Variants in FBXO42 observed in about 807,000 individuals in gnomAD.
FBXO42 encodes the protein F-box protein 42.
FBXO42 carries 12 observed loss-of-function variants against 71.7 expected under a neutral mutation model. That is an observed-to-expected ratio of 0.17 (90% CI 0.11 to 0.27). The LOEUF is 0.27. Ranked by LOEUF, FBXO42 falls within the 10% of genes least tolerant of loss-of-function variation. The pLI is 1.00. For synonymous variants in FBXO42, 325 were observed against 327.5 expected, an observed-to-expected ratio of 0.99 and a Z score of 0.08; for missense variants, 707 against 911.9, an observed-to-expected ratio of 0.78 and a Z score of 2.89.
chr1:16,350,758 AAAGAAAGAAAG>A (rs1172468199), intron 1 of FBXO42, among the ~76,000 whole-genome samples: 8 of 30,302 alleles, frequency 2.6e-4, no homozygotes, highest in Non-Finnish European at 6.7e-4. Context: ...AAAAAAAAAA[AAAGAAAGAAAG>A]AAAGAAAGAA....
intron 1 of FBXO42, among the ~76,000 whole-genome samples, chr1:16,323,524 C>T (rs577900156): frequency 1.3e-4 from 19 of 151,648 alleles, no homozygotes; most frequent in Non-Finnish European, 2.2e-4. Context: ...GGGCCGGGCG[C>T]AGTGGCTCAC....
Position 16,262,871 on chromosome 1 carries a change from G to A in FBXO42, c.503-6112C>T, listed in dbSNP as rs138951764. On this transcript the variant is annotated intron_variant, in intron 4 of 9. Transcript: ENST00000375592. ...ACTACAGGCACGTGCCACCACGGCA[G>A]GCTAGTTTTTTGTAATTTTAGTAGA... 3.9e-5 allele frequency among the ~76,000 whole-genome samples: 6 copies of A among 152,052 alleles called. No homozygotes were observed. The East Asian group carries it at 1.2e-3, about 30-fold the overall frequency.
chr1:16,257,027 G>A (rs1343063340), intron 4 of FBXO42, among the ~76,000 whole-genome samples: 3 of 152,158 alleles, frequency 2.0e-5, no homozygotes, highest in Non-Finnish European at 4.4e-5. Context: ...CCTAAAATTA[G>A]GGATGAGAGT....
At chr1:16,265,564 G>T (rs1443029199) in intron 4 of FBXO42, among the ~76,000 whole-genome samples, 1 of 151,394 alleles carries the variant, frequency 6.6e-6, no homozygotes, top group East Asian at 1.9e-4. Context: ...GGTATTACTA[G>T]CCTCATTTTA....
intron 4 of FBXO42, among the ~76,000 whole-genome samples, chr1:16,275,989 G>T (rs918699428): frequency 6.6e-6 from 1 of 152,022 alleles, no homozygotes; most frequent in Non-Finnish European, 1.5e-5. Context: ...AAAGGGCAAA[G>T]GAGCCTCCTA....
intron 4 of FBXO42, among the ~76,000 whole-genome samples, chr1:16,267,593 TTG>T (rs1482366995): frequency 6.6e-6 from 1 of 152,176 alleles, no homozygotes; most frequent in Non-Finnish European, 1.5e-5. Flanking sequence ...CAGCCCACCT[TTG>T]GGTGGGGTTA....
At chr1:16,348,569 C>T (rs1412810053) in intron 1 of FBXO42, among the ~76,000 whole-genome samples, 3 of 151,738 alleles carry the variant, frequency 2.0e-5, no homozygotes, top group Admixed American at 6.6e-5. Context: ...GGGCGTGGGG[C>T]GGGTGCCTGT....
chr1:16,331,406 C>G (rs1304669682), intron 1 of FBXO42, among the ~76,000 whole-genome samples: 1 of 146,598 alleles, frequency 6.8e-6, no homozygotes, highest in Admixed American at 6.8e-5. Context: ...CAGAGCGAGA[C>G]TCTGTCTCAA....
At chr1:16,318,586 A>G (rs2082390143) in intron 1 of FBXO42, among the ~76,000 whole-genome samples, 1 of 152,202 alleles carries the variant, frequency 6.6e-6, no homozygotes, top group Non-Finnish European at 1.5e-5. Context: ...CTCCTATGAC[A>G]TTATACACAA....
rs189088776 is a variant in FBXO42 at position 16,338,880 on chromosome 1, G to A, written c.-18+13375C>T. Among the ~76,000 whole-genome samples the A allele has an allele frequency of 3.0e-3, 430 of 141,886 alleles. 1 individual carries two copies. The highest frequency in any genetic ancestry group is 0.011 in the African/African-American group (419 of 38,372). 93.1% of individuals were successfully genotyped at this position (141,886 alleles called of 152,430 possible). A position where few individuals can be genotyped will look rare whatever the true frequency, so the allele number is the denominator to read the frequency against. On this transcript the variant is annotated intron_variant, in intron 1 of 9. Coordinates refer to ENST00000375592, the MANE Select transcript of FBXO42 (RefSeq NM_018994.3). ...GGCTGGAGTGCAGTGGCACAATCGC[G>A]GCTCACTGCAACCTCCGCCTCCCAA... is the stretch of plus-strand genomic sequence containing the variant.
In FBXO42 at chr1:16,270,751, T is replaced by TACACACAC. The variant is rs58610558; in HGVS notation, c.503-14000_503-13993dup. 4.8e-3 allele frequency among the ~76,000 whole-genome samples: 532 copies of TACACACAC among 110,976 alleles called. 5 individuals carry two copies. The highest frequency in any genetic ancestry group is 9.5e-3 in the Admixed American group (101 of 10,582). 72.8% of individuals were successfully genotyped at this position (110,976 alleles called of 152,430 possible). A position where few individuals can be genotyped will look rare whatever the true frequency, so the allele number is the denominator to read the frequency against. ...TCCAAATCCCTTACTTACCATGAGA[T>TACACACAC]ACACACACACACACACACACACACA... On this transcript the variant is annotated intron_variant, in intron 4 of 9. Transcript: ENST00000375592.
chr1:16,284,291 C>T (rs1348407142), intron 4 of FBXO42, among the ~76,000 whole-genome samples: 1 of 152,158 alleles, frequency 6.6e-6, no homozygotes, highest in Admixed American at 6.6e-5. Context: ...AGTCATAAAG[C>T]GATCAATAGA....
chr1:16,324,165 T>TA (rs1303437455), intron 1 of FBXO42, among the ~76,000 whole-genome samples: 1 of 152,040 alleles, frequency 6.6e-6, no homozygotes, highest in African/African-American at 2.4e-5. Flanking sequence ...AAGGATAAAA[T>TA]AAAAAATTCT....
chr1:16,276,052 C>T (rs528642457), intron 4 of FBXO42, among the ~76,000 whole-genome samples: 1 of 152,172 alleles, frequency 6.6e-6, no homozygotes, highest in African/African-American at 2.4e-5. Flanking sequence ...AGCTCTTACC[C>T]ACCTAGGAAC....
intron 4 of FBXO42, among the ~76,000 whole-genome samples, chr1:16,269,612 G>A (rs888575201): frequency 1.3e-5 from 2 of 151,068 alleles, no homozygotes; most frequent in Non-Finnish European, 3.0e-5. Flanking sequence ...TGTAACCTCC[G>A]CCTCCCAGGT....
chr1:16,331,068 C>A (rs530072077), intron 1 of FBXO42, among the ~76,000 whole-genome samples: 1 of 150,584 alleles, frequency 6.6e-6, no homozygotes, highest in Admixed American at 6.7e-5. Context: ...TGCAGTGAGC[C>A]AAGACAGCGC....
chr1:16,266,652 G>A (rs369501342), intron 4 of FBXO42, among the ~76,000 whole-genome samples: 2 of 152,138 alleles, frequency 1.3e-5, no homozygotes, highest in Non-Finnish European at 2.9e-5. Flanking sequence ...TCAAACTGGC[G>A]TGTGTATGGG....
At chr1:16,316,959 T>C (rs2082372996) in intron 1 of FBXO42, among the ~76,000 whole-genome samples, 1 of 152,018 alleles carries the variant, frequency 6.6e-6, no homozygotes, top group African/African-American at 2.4e-5. Context: ...TACATATAAA[T>C]AAATCTCTCA....
rs185022021 is a variant in FBXO42, at chr1:16,283,505, T to G, written c.502+11278A>C. ...TCTAACTGTGGCAAGTTTTTTTTTT[T>G]TTTTTTTTTTTTGAGACAGTCTCGC... On this transcript the variant is annotated intron_variant, in intron 4 of 9. Transcript: ENST00000375592. 5.3e-4 allele frequency among the ~76,000 whole-genome samples: 72 copies of G among 136,678 alleles called. 2 individuals are homozygous for G. The highest frequency in any genetic ancestry group is 8.2e-4 in the Non-Finnish European group (52 of 63,166). 89.7% of individuals were successfully genotyped at this position (136,678 alleles called of 152,430 possible).
Sources: gnomAD v4.1 joint callset for allele counts (sites outside exome capture counted in the v4.1 genomes callset) on GRCh38, gnomAD v4.1.1 for gene constraint, MANE v1.5 for transcripts, NCBI Gene and HGNC (gene_info 2026-07-23, HGNC 2026-07-21) for gene names.